DCPS: variants seen among roughly 807,000 people sequenced by gnomAD.
DCPS encodes the protein decapping enzyme, scavenger.
DCPS carries 27 observed loss-of-function variants against 34.7 expected under a neutral mutation model. The ratio of observed to expected loss-of-function variants is 0.78; its 90% CI spans 0.57 to 1.07. DCPS has a LOEUF of 1.07. DCPS is among the 50% of genes least tolerant of loss of function. DCPS has a pLI of 0.00. For synonymous variants in DCPS, 185 were observed against 185.7 expected (o/e 1.00, Z 0.03); for missense variants, 464 against 436.9 (o/e 1.06, Z -0.55).
In DCPS at chr11:126,346,646, G is replaced by A. The variant is rs1433279420; in HGVS notation, c.*1033G>A. ...GCCACTTTGTCAGAGTAGGGCTGTG[G>A]ATTTTGTGCCTTGCTTGGGAAGCTC... On this transcript the variant is annotated 3_prime_UTR_variant, in exon 6 of 6. Transcript: ENST00000263579. This position sits in a 1 kb window ranked among gnomAD's most constrained non-coding sequence, Gnocchi z 4.1. Among the ~76,000 whole-genome samples, 1 of 152,218 alleles carries A rather than the reference G, an allele frequency of 6.6e-6. No individual in the cohort carries two copies. The highest frequency in any genetic ancestry group is 2.4e-5 in the African/African-American group (1 of 41,460).
Position 126,345,459 on chromosome 11 carries a change from C to T in DCPS, c.860C>T (p.Ala287Val), listed in dbSNP as rs375647806. The T allele has an allele frequency of 3.3e-5, 54 of 1,613,974 alleles. No homozygotes were observed. The highest frequency in any genetic ancestry group is 1.6e-4 in the Middle Eastern group (1 of 6,084). ...CACTTCACCGCCCTGGGCTTCGAGG[C>T]CCCCGGCTCAGGCGTGGAGCGGGCC... is the stretch of plus-strand genomic sequence containing the variant. ...HVHFTALGFE[A>V]PGSGVERAHL... Residue 287 changes from alanine to valine, a missense_variant, in exon 6 of 6, where the codon GCC (alanine) becomes GTC (valine). By Grantham distance (64) the Ala-to-Val change is moderately conservative. Coordinates refer to ENST00000263579, the MANE Select transcript of DCPS (RefSeq NM_014026.6). This position sits in a 1 kb window ranked among gnomAD's most constrained non-coding sequence, Gnocchi z 7.4.
rs1951805564 is a variant in DCPS, at chr11:126,333,219, A to G, written c.522+1669A>G. On this transcript the variant is annotated intron_variant, in intron 3 of 5. Transcript: ENST00000263579. This position sits in a 1 kb window ranked among gnomAD's most constrained non-coding sequence, Gnocchi z 5.7. ...CAATGAAAACTCCACTACTCTTCCA[A>G]CTCCTGACTGACGGGAGCCGTTCAT... Among the ~76,000 whole-genome samples, 1 of 151,844 alleles carries G rather than the reference A, an allele frequency of 6.6e-6. No individual in the cohort carries two copies. The highest frequency in any genetic ancestry group is 1.5e-5 in the Non-Finnish European group (1 of 67,944).
chr11:126,338,159 C>T lies in DCPS; in HGVS notation c.523-127C>T, dbSNP rs533564066. On this transcript the variant is annotated intron_variant, in intron 3 of 5. Transcript: ENST00000263579. This position sits in a 1 kb window ranked among gnomAD's most constrained non-coding sequence, Gnocchi z 5.4. ...GCAGCCCGGATGTAGATCCTCTGAG[C>T]GTGGCGGCCTTTTATGGCTTGGTTC... 1.1e-4 allele frequency: 89 copies of T among 780,034 alleles called. No individual in the cohort carries two copies. Among genetic ancestry groups the T allele is most frequent in the African/African-American group, 1.1e-3 (64 of 58,428 alleles). 48.3% of individuals were successfully genotyped at this position (780,034 alleles called of 1,614,324 possible). A position where few individuals can be genotyped will look rare whatever the true frequency, so the allele number is the denominator to read the frequency against.
In DCPS at chr11:126,320,524, G is replaced by A. The variant is rs921738188; in HGVS notation, c.377-10881G>A. 3.9e-5 allele frequency among the ~76,000 whole-genome samples: 6 copies of A among 152,126 alleles called. No homozygotes were observed. The highest frequency in any genetic ancestry group is 9.7e-5 in the African/African-American group (4 of 41,422). ...ATTAACCCATCAAGACTACAAGGGC[G>A]GGGTGCAGTGGCTCATGCCCCTAAT... On this transcript the variant is annotated intron_variant, in intron 2 of 5. Transcript: ENST00000263579. The surrounding 1 kb of genome is among the most constrained non-coding windows in gnomAD (Gnocchi z 4.7).
Position 126,335,747 on chromosome 11 carries a change from G to A in DCPS, c.523-2539G>A, listed in dbSNP as rs990578101. Among the ~76,000 whole-genome samples, 2 of 152,130 alleles carry A rather than the reference G, an allele frequency of 1.3e-5. No individual in the cohort carries two copies. Among genetic ancestry groups the A allele is most frequent in the African/African-American group, 4.8e-5 (2 of 41,418 alleles). On this transcript the variant is annotated intron_variant, in intron 3 of 5. Transcript: ENST00000263579. This position sits in a 1 kb window ranked among gnomAD's most constrained non-coding sequence, Gnocchi z 4.8. ...TTGAGACCAGCCTGGCCAACATGAC[G>A]CAACCCATCTCTACTAAAAATACAA...
intron 2 of DCPS, among the ~76,000 whole-genome samples, chr11:126,330,898 G>A (rs12574111): frequency 0.24 from 36,816 of 150,848 alleles, 4,522 homozygotes; most frequent in Admixed American, 0.26. Flanking sequence ...CACCACGCCC[G>A]GTTAATTTTG....
At chr11:126,304,647 A>T (rs1951548372) in intron 1 of DCPS, among the ~76,000 whole-genome samples, 2 of 152,208 alleles carry the variant, frequency 1.3e-5, no homozygotes, top group Admixed American at 1.3e-4. Context: ...CTGTCCGTGG[A>T]AACGACATGA....
chr11:126,307,207 C>T (rs1951577141), intron 2 of DCPS, among the ~76,000 whole-genome samples: 1 of 151,790 alleles, frequency 6.6e-6, no homozygotes, highest in African/African-American at 2.4e-5. Flanking sequence ...GTGGCGTTCA[C>T]CTGTAATCCT....
rs199694579 is a variant in DCPS, at chr11:126,345,587, C to T, written c.988C>T (p.Leu330Phe). Reference protein sequence around the residue: ...ALRADDPLLKLLQEAQQS With the variant: ...ALRADDPLLKFLQEAQQS The stretch of plus-strand genomic sequence containing the variant: ...CAGGGCTGACGACCCCCTGCTCAAG[C>T]TCTTGCAGGAGGCTCAGCAAAGCTG... The change falls in exon 6 of 6, where the codon CTC (leucine) becomes TTC (phenylalanine). Residue 330 changes from leucine (L) to phenylalanine (F), a missense_variant. Transcript: ENST00000263579. The surrounding 1 kb of genome is among the most constrained non-coding windows in gnomAD (Gnocchi z 7.4). The T allele has an allele frequency of 5.9e-5, 95 of 1,613,484 alleles. No individual in the cohort carries two copies. In the East Asian group the frequency reaches 1.9e-3, roughly 33 times the overall value.
At chr11:126,304,380 C>T (rs1951546294) in intron 1 of DCPS, 99 bp downstream of exon 1, 1 of 1,353,374 alleles carries the variant, frequency 7.4e-7, no homozygotes, top group Admixed American at 1.9e-5. Context: ...TGGAAAATAC[C>T]AATCATTATC....
In DCPS at chr11:126,306,749, G is replaced by A; in HGVS notation, c.376+5G>A. ...TCCCTCCAAGACAACTGAATGGTGA[G>A]CAAGAGGTGGCCAGGGTGGCTGTAT... On this transcript the variant is annotated splice_donor_5th_base_variant and intron_variant, in intron 2 of 5. Coordinates refer to ENST00000263579, the MANE Select transcript of DCPS (RefSeq NM_014026.6). 1 of 1,587,432 alleles carries A rather than the reference G, an allele frequency of 6.3e-7. No individual in the cohort carries two copies. The highest frequency in any genetic ancestry group is 1.1e-5 in the South Asian group (1 of 90,174).
rs1047032746 is a variant in DCPS, at chr11:126,346,365, G to A, written c.*752G>A. Among the ~76,000 whole-genome samples, 1 of 152,194 alleles carries A rather than the reference G, an allele frequency of 6.6e-6. No individual in the cohort carries two copies. The highest frequency in any genetic ancestry group is 2.4e-5 in the African/African-American group (1 of 41,456). ...AAGTGCAAAACAGTGAATCAGCAAG[G>A]GCAAATGATATGGTTGCAGTTGAAT... On this transcript the variant is annotated 3_prime_UTR_variant, in exon 6 of 6. Transcript: ENST00000263579. The surrounding 1 kb of genome is among the most constrained non-coding windows in gnomAD (Gnocchi z 4.1).
intron 1 of DCPS, 73 bp from the exon 2 acceptor site, chr11:126,306,497 A>G (rs1951567045): frequency 7.0e-7 from 1 of 1,424,274 alleles, no homozygotes; most frequent in Non-Finnish European, 9.3e-7. Flanking sequence ...AGGCCCTGGG[A>G]GCTTCTGTCT....
rs537846140 is a variant in DCPS at position 126,323,405 on chromosome 11, A to G, written c.377-8000A>G. Among the ~76,000 whole-genome samples the G allele has an allele frequency of 3.9e-5, 6 of 152,364 alleles. No individual in the cohort carries two copies. In the South Asian group the frequency reaches 1.2e-3, roughly 32 times the overall value. On this transcript the variant is annotated intron_variant, in intron 2 of 5. Transcript: ENST00000263579. The surrounding 1 kb of genome is among the most constrained non-coding windows in gnomAD (Gnocchi z 4.4). ...GTTTATTTCCATTGTAATATTATAT[A>G]TGCAAGCTGATGCATGTATTTTTCA...
At position 126,346,464 on chromosome 11, in the gene DCPS, G is replaced by A. The variant is rs368306583; in HGVS notation, c.*851G>A. Among the ~76,000 whole-genome samples, 1 of 152,226 alleles carries A rather than the reference G, an allele frequency of 6.6e-6. No individual in the cohort carries two copies. The highest frequency in any genetic ancestry group is 1.5e-5 in the Non-Finnish European group (1 of 68,048). ...TTCAGAGGATCTTGAGACCAGGAAG[G>A]GACCTCAAAGCGTCAGAGGCTGATG... On this transcript the variant is annotated 3_prime_UTR_variant, in exon 6 of 6. Transcript: ENST00000263579. The surrounding 1 kb of genome is among the most constrained non-coding windows in gnomAD (Gnocchi z 4.1).
rs1951904576 is a variant in DCPS at position 126,344,799 on chromosome 11, A to G, written c.748-548A>G. Among the ~76,000 whole-genome samples, 1 of 152,180 alleles carries G rather than the reference A, an allele frequency of 6.6e-6. No homozygotes were observed. The highest frequency in any genetic ancestry group is 2.1e-4 in the South Asian group (1 of 4,836). On this transcript the variant is annotated intron_variant, in intron 5 of 5. Coordinates refer to ENST00000263579, the MANE Select transcript of DCPS (RefSeq NM_014026.6). This position sits in a 1 kb window ranked among gnomAD's most constrained non-coding sequence, Gnocchi z 8.1. ...GCAAGGAGCCCGCTGAGACTTCGCC[A>G]GGTCTGTGTGGGAGCAGCCCCTCCC...
In DCPS at chr11:126,334,793, G is replaced by A. The variant is rs1189195899; in HGVS notation, c.522+3243G>A. 6.6e-6 allele frequency among the ~76,000 whole-genome samples: 1 copy of A among 152,178 alleles called. No homozygotes were observed. The highest frequency in any genetic ancestry group is 2.4e-5 in the African/African-American group (1 of 41,442). Reference sequence around the variant, plus strand: ...TAACTTCCCAGTAAAAACTGCAGTGGGATGTCTGGATCTGGAGCCTTTGAG... The same window carrying A: ...TAACTTCCCAGTAAAAACTGCAGTGAGATGTCTGGATCTGGAGCCTTTGAG... On this transcript the variant is annotated intron_variant, in intron 3 of 5. Transcript: ENST00000263579. The surrounding 1 kb of genome is among the most constrained non-coding windows in gnomAD (Gnocchi z 5.5).
intron 1 of DCPS, among the ~76,000 whole-genome samples, chr11:126,306,163 G>A (rs1013044039): frequency 8.6e-5 from 13 of 151,918 alleles, no homozygotes; most frequent in Non-Finnish European, 2.9e-5. Context: ...ATTTGAGATC[G>A]GGAGTTCAAG....
chr11:126,305,413 CTTT>C (rs1165260410), intron 1 of DCPS, among the ~76,000 whole-genome samples: 38 of 68,322 alleles, frequency 5.6e-4, no homozygotes, highest in African/African-American at 2.1e-3. Flanking sequence ...CCGCACCCGC[CTTT>C]TTTTTTTTTT....
Sources: gnomAD v4.1 joint callset for allele counts (sites outside exome capture counted in the v4.1 genomes callset) on GRCh38, gnomAD v4.1.1 for gene constraint, Gnocchi (gnomAD v3.1) non-coding constraint, MANE v1.5 for transcripts, NCBI Gene and HGNC (gene_info 2026-07-23, HGNC 2026-07-21) for gene names.